The following RASEF variants were observed in gnomAD, a reference collection of about 807,000 sequenced individuals.
The protein encoded by RASEF is RAS and EF-hand domain containing, also known as ras and EF-hand domain-containing protein.
In RASEF, 68 loss-of-function variants were observed where a neutral mutation model predicts 90.1. That is an observed-to-expected ratio of 0.75 (90% CI 0.62 to 0.92). The LOEUF (loss-of-function observed/expected upper bound fraction) is 0.92. Among genes scored for constraint, RASEF ranks in the 40% least tolerant of loss-of-function variants. RASEF has a pLI of 0.00. For synonymous variants in RASEF, 331 were observed against 345.2 expected (o/e 0.96, Z 0.46); for missense variants, 949 against 937.2 (o/e 1.01, Z -0.16).
chr9:83,119,331 A>G, the RASEF span, among the ~76,000 whole-genome samples: 1 of 152,054 alleles, frequency 6.6e-6, no homozygotes, highest in Non-Finnish European at 1.5e-5. Context: ...AGAAAGCTCA[A>G]TTTTAAAAGG....
At chr9:83,035,051 G>A (rs1829714983) in intron 1 of RASEF, among the ~76,000 whole-genome samples, 1 of 152,140 alleles carries the variant, frequency 6.6e-6, no homozygotes, top group Non-Finnish European at 1.5e-5. Flanking sequence ...AAATCTTGTA[G>A]TATGGGAGCT....
At chr9:83,143,698 A>G in the RASEF span, among the ~76,000 whole-genome samples, 1 of 152,328 alleles carries the variant, frequency 6.6e-6, no homozygotes, top group East Asian at 1.9e-4. Context: ...ACCCTTAGAC[A>G]CTGTTGATAA....
chr9:83,059,885 A>G (rs1830175740), intron 1 of RASEF, among the ~76,000 whole-genome samples: 1 of 152,174 alleles, frequency 6.6e-6, no homozygotes, highest in African/African-American at 2.4e-5. Context: ...CTAAGAGAAA[A>G]TGAACTCAAC....
the RASEF span, among the ~76,000 whole-genome samples, chr9:83,121,659 T>C: frequency 2.0e-5 from 3 of 152,230 alleles, no homozygotes; most frequent in African/African-American, 7.2e-5. Context: ...TAAAACACTC[T>C]GATCCCTGCT....
the RASEF span, among the ~76,000 whole-genome samples, chr9:83,199,375 C>T: frequency 0.01 from 1,538 of 152,172 alleles, 22 homozygotes; most frequent in African/African-American, 0.033. Context: ...GAGTTGCTCG[C>T]ACCATCGCAG....
At chr9:83,196,490 A>G in the RASEF span, among the ~76,000 whole-genome samples, 3 of 152,154 alleles carry the variant, frequency 2.0e-5, no homozygotes, top group African/African-American at 7.2e-5. Flanking sequence ...CAAGTGGGAG[A>G]CAGGGCAAAA....
chr9:83,029,458 T>C (rs543155567), intron 1 of RASEF, among the ~76,000 whole-genome samples: 58 of 150,360 alleles, frequency 3.9e-4, no homozygotes, highest in Middle Eastern at 3.5e-3. Context: ...AGTGGCGCAA[T>C]CTTGGCTCAC....
At chr9:83,037,308 C>T (rs1164837008) in intron 1 of RASEF, among the ~76,000 whole-genome samples, 1 of 149,738 alleles carries the variant, frequency 6.7e-6, no homozygotes, top group African/African-American at 2.5e-5. Flanking sequence ...CAATGAGATG[C>T]TTCAAAAAAA....
chr9:83,086,330 A>G, the RASEF span, among the ~76,000 whole-genome samples: 24 of 152,310 alleles, frequency 1.6e-4, no homozygotes, highest in African/African-American at 5.5e-4. Context: ...GTTAAAATAA[A>G]TATCCATAAA....
In RASEF at chr9:83,062,915, C is replaced by T. The variant is rs1830243567; in HGVS notation, c.-48G>A. 1.4e-6 allele frequency: 2 copies of T among 1,387,672 alleles called. No individual in the cohort carries two copies. Among genetic ancestry groups the T allele is most frequent in the African/African-American group, 1.5e-5 (1 of 65,682 alleles). 86.0% of individuals were successfully genotyped at this position (1,387,672 alleles called of 1,614,324 possible). On this transcript the variant is annotated 5_prime_UTR_variant, in exon 1 of 17. Transcript: ENST00000376447. ...GAGGGCTCCGGAGCGCCGCGGGGCGCAGGGCCCTCCCTGGAAGGACGGGGC... is the reference window on the plus strand; with the variant it reads ...GAGGGCTCCGGAGCGCCGCGGGGCGTAGGGCCCTCCCTGGAAGGACGGGGC...
the RASEF span, among the ~76,000 whole-genome samples, chr9:83,206,075 TA>T: frequency 2.6e-5 from 4 of 152,216 alleles, no homozygotes; most frequent in South Asian, 2.1e-4. Context: ...ATAAATCTTA[TA>T]AAAAATATTA....
chr9:83,062,643 G>A lies in RASEF; in HGVS notation c.225C>T (p.Leu75=). ...CCCAGTCCCGGCGCCGCCCCCCGCG[G>A]AGGGACCCGAGGAAGCCACGCGCGA... ...QEFARGFLGS[L]RGGRRRDWGP... Residue 75 remains leucine (L), a synonymous_variant, in exon 1 of 17, where the codon CTC becomes CTT. Coordinates refer to ENST00000376447, the MANE Select transcript of RASEF (RefSeq NM_152573.4). The A allele has an allele frequency of 1.3e-6, 2 of 1,556,916 alleles. No homozygotes were observed. Among genetic ancestry groups the A allele is most frequent in the Non-Finnish European group, 8.6e-7 (1 of 1,157,912 alleles).
chr9:83,098,323 G>C, the RASEF span, among the ~76,000 whole-genome samples: 4 of 152,122 alleles, frequency 2.6e-5, no homozygotes, highest in African/African-American at 9.7e-5. Context: ...AGAAATTGAA[G>C]TGTTATTAAA....
intron 1 of RASEF, among the ~76,000 whole-genome samples, chr9:83,038,339 T>C (rs1294383351): frequency 6.6e-6 from 1 of 152,136 alleles, no homozygotes; most frequent in Non-Finnish European, 1.5e-5. Context: ...TCTACAATTA[T>C]AGTTCAACAC....
chr9:83,044,068 C>T (rs1829888003), intron 1 of RASEF, among the ~76,000 whole-genome samples: 1 of 152,266 alleles, frequency 6.6e-6, no homozygotes, highest in African/African-American at 2.4e-5. Context: ...TTAGTAACTT[C>T]CAACTCGGGG....
At chr9:83,069,537 A>G in the RASEF span, among the ~76,000 whole-genome samples, 1 of 152,226 alleles carries the variant, frequency 6.6e-6, no homozygotes, top group Non-Finnish European at 1.5e-5. Context: ...TATACATTAT[A>G]CCACAGAGTG....
At chr9:83,174,742 C>T in the RASEF span, among the ~76,000 whole-genome samples, 2 of 152,088 alleles carry the variant, frequency 1.3e-5, no homozygotes, top group Admixed American at 6.5e-5. Flanking sequence ...TTAACTCTTC[C>T]GATTTATGAA....
At chr9:83,065,659 A>G (rs904214140), upstream of RASEF, among the ~76,000 whole-genome samples, 2 of 152,234 alleles carry the variant, frequency 1.3e-5, no homozygotes, top group African/African-American at 4.8e-5. Flanking sequence ...TACCTAAGGT[A>G]AAGAGACAGC....
chr9:83,097,937 T>G, the RASEF span, among the ~76,000 whole-genome samples: 1 of 152,332 alleles, frequency 6.6e-6, no homozygotes, highest in East Asian at 1.9e-4. Context: ...CTAGTTCTAG[T>G]GCTTACAACA....
Sources: gnomAD v4.1 joint callset for allele counts (sites outside exome capture counted in the v4.1 genomes callset) on GRCh38, gnomAD v4.1.1 for gene constraint, MANE v1.5 for transcripts, NCBI Gene and HGNC (gene_info 2026-07-23, HGNC 2026-07-21) for gene names.